The following NBEA variants were observed in gnomAD, a reference collection of about 807,000 sequenced individuals.
NBEA encodes the protein neurobeachin.
A neutral mutation model predicts 343.4 loss-of-function variants in NBEA; 44 were observed. That is an observed-to-expected ratio of 0.13 (90% confidence interval 0.10 to 0.16). NBEA has a LOEUF of 0.16. Among genes scored for constraint, NBEA ranks in the 10% least tolerant of loss-of-function variants. The pLI is 1.00. For missense variants in NBEA, 2,555 were observed against 3,631.3 expected (o/e 0.70, Z 7.62); for synonymous variants, 1,175 against 1,238.7 (o/e 0.95, Z 1.08).
intron 35 of NBEA, among the ~76,000 whole-genome samples, chr13:35,306,332 C>G (rs1187425591): frequency 1.3e-5 from 2 of 152,004 alleles, no homozygotes; most frequent in African/African-American, 4.8e-5. Flanking sequence ...CAATGTTTCT[C>G]ATTCACTCTT....
At chr13:35,249,058 G>A (rs148577259) in intron 34 of NBEA, among the ~76,000 whole-genome samples, 6,761 of 151,298 alleles carry the variant, frequency 0.045, 177 homozygotes, top group South Asian at 0.079. Flanking sequence ...CTGAGGTAGG[G>A]GAATTGCTTG....
intron 11 of NBEA, among the ~76,000 whole-genome samples, chr13:35,103,939 A>G (rs1171107452): frequency 2.0e-5 from 3 of 151,822 alleles, no homozygotes; most frequent in Non-Finnish European, 1.5e-5. Flanking sequence ...CCTACAATCC[A>G]TTTTTCACTT....
chr13:35,588,418 C>G (rs549193506), intron 46 of NBEA, among the ~76,000 whole-genome samples: 95 of 150,894 alleles, frequency 6.3e-4, no homozygotes, highest in African/African-American at 2.1e-3. Flanking sequence ...ATAAAATACA[C>G]ATTAAAATAA....
chr13:35,352,618 G>A (rs1409635333), intron 38 of NBEA, among the ~76,000 whole-genome samples: 1 of 151,894 alleles, frequency 6.6e-6, no homozygotes, highest in Non-Finnish European at 1.5e-5. Context: ...TATGTAACAT[G>A]GATGTTTAGG....
chr13:35,425,983 TG>T (rs946372940), intron 38 of NBEA, among the ~76,000 whole-genome samples: 1 of 152,244 alleles, frequency 6.6e-6, no homozygotes, highest in Non-Finnish European at 1.5e-5. Context: ...TGGCTTTTTC[TG>T]TTTTCCATTT....
intron 6 of NBEA, among the ~76,000 whole-genome samples, chr13:35,055,045 A>T (rs546764048): frequency 1.3e-5 from 2 of 152,144 alleles, no homozygotes; most frequent in East Asian, 3.9e-4. Flanking sequence ...GATTATTGTA[A>T]CTTTTTATTT....
Position 35,463,629 on chromosome 13 carries a change from C to A in NBEA, c.6449-8771C>A, listed in dbSNP as rs567129639. Among the ~76,000 whole-genome samples the A allele has an allele frequency of 1.4e-4, 21 of 151,928 alleles. No individual in the cohort carries two copies. In the East Asian group the frequency reaches 2.9e-3, roughly 21 times the overall value. ...AGTGAGACTCCGTCGCAAAAAAAAACAAACCAGAAAAAGTTGCAGACTTTT... is the reference window on the plus strand; with the variant it reads ...AGTGAGACTCCGTCGCAAAAAAAAAAAAACCAGAAAAAGTTGCAGACTTTT... On this transcript the variant is annotated intron_variant, in intron 40 of 58. Coordinates refer to ENST00000379939, the MANE Select transcript of NBEA (RefSeq NM_001385012.1).
intron 49 of NBEA, among the ~76,000 whole-genome samples, chr13:35,628,621 G>A (rs533295582): frequency 2.6e-5 from 4 of 152,246 alleles, no homozygotes; most frequent in Non-Finnish European, 2.9e-5. Flanking sequence ...AAAAATAACA[G>A]CACAAGTGCT....
At position 35,120,799 on chromosome 13, in the gene NBEA, T is replaced by G. The variant is rs1277816279; in HGVS notation, c.2243+2325T>G. 6.2e-5 allele frequency among the ~76,000 whole-genome samples: 8 copies of G among 129,440 alleles called. 2 individuals are homozygous for G. Among genetic ancestry groups the G allele is most frequent in the African/African-American group, 3.2e-4 (8 of 24,794 alleles). The allele number at this position is 129,440 out of a possible 152,430, so 84.9% of individuals were successfully genotyped here. Reference sequence around the variant, plus strand: ...TATATAGCTTAGACCATTTGCTTACTGAATATAGTGAGCTTAAGCAGATGT... The same window carrying G: ...TATATAGCTTAGACCATTTGCTTACGGAATATAGTGAGCTTAAGCAGATGT... On this transcript the variant is annotated intron_variant, in intron 16 of 58. Coordinates refer to ENST00000379939, the MANE Select transcript of NBEA (RefSeq NM_001385012.1).
At chr13:35,588,607 T>C (rs908462275) in intron 46 of NBEA, among the ~76,000 whole-genome samples, 1 of 152,174 alleles carries the variant, frequency 6.6e-6, no homozygotes, top group African/African-American at 2.4e-5. Context: ...TTGTCTACAA[T>C]ATGAGACCCT....
intron 49 of NBEA, among the ~76,000 whole-genome samples, chr13:35,639,559 A>G (rs1263956264): frequency 6.6e-6 from 1 of 152,098 alleles, no homozygotes; most frequent in Non-Finnish European, 1.5e-5. Context: ...TCAAGCTTGT[A>G]TTTTTTGGTT....
chr13:35,049,507 C>T (rs2062989161), intron 5 of NBEA, among the ~76,000 whole-genome samples: 1 of 151,724 alleles, frequency 6.6e-6, no homozygotes, highest in Admixed American at 6.6e-5. Context: ...GAAATGTGAA[C>T]ACAGAAATAT....
chr13:35,610,790 CA>C (rs1312604677), intron 48 of NBEA, among the ~76,000 whole-genome samples: 1 of 151,862 alleles, frequency 6.6e-6, no homozygotes, highest in Non-Finnish European at 1.5e-5. Flanking sequence ...TATTTCAAAA[CA>C]CATCTAATAA....
At position 35,477,843 on chromosome 13, in the gene NBEA, ATCATT is replaced by A. The variant is rs1177755795; in HGVS notation, c.6585+5315_6585+5319del. Reference sequence around the variant, plus strand: ...CATTTTGAAAACAAAAATGAAATAAATCATTTCATTTCTGAATTTTGGAACCTGGA... The same window carrying A: ...CATTTTGAAAACAAAAATGAAATAAATCATTTCTGAATTTTGGAACCTGGA... On this transcript the variant is annotated intron_variant, in intron 41 of 58. Coordinates refer to ENST00000379939, the MANE Select transcript of NBEA (RefSeq NM_001385012.1). Among the ~76,000 whole-genome samples, 6 of 152,368 alleles carry A rather than the reference ATCATT, an allele frequency of 3.9e-5. No individual in the cohort carries two copies. The East Asian group carries it at 1.2e-3, about 29-fold the overall frequency.
chr13:35,023,488 C>A (rs1037554971), intron 1 of NBEA, among the ~76,000 whole-genome samples: 5 of 151,852 alleles, frequency 3.3e-5, no homozygotes, highest in Non-Finnish European at 7.4e-5. Flanking sequence ...ATAGTAGATC[C>A]TATAAAAGTA....
intron 10 of NBEA, among the ~76,000 whole-genome samples, chr13:35,078,608 G>A (rs766597896): frequency 2.0e-5 from 3 of 152,098 alleles, no homozygotes; most frequent in Non-Finnish European, 2.9e-5. Flanking sequence ...AAGTGGGGGT[G>A]GAAAGTAAGT....
chr13:34,943,890 T>C (rs1054658664), intron 1 of NBEA, among the ~76,000 whole-genome samples: 1 of 152,194 alleles, frequency 6.6e-6, no homozygotes, highest in Non-Finnish European at 1.5e-5. Flanking sequence ...TTGGTTCCTT[T>C]CATGGTAAGA....
chr13:35,319,179 A>G (rs545352858), intron 36 of NBEA, among the ~76,000 whole-genome samples: 2 of 152,084 alleles, frequency 1.3e-5, no homozygotes, highest in South Asian at 2.1e-4. Context: ...AGTTCTTTCA[A>G]TTGTGATGTT....
intron 17 of NBEA, among the ~76,000 whole-genome samples, chr13:35,141,190 A>G (rs921476144): frequency 2.0e-5 from 3 of 152,238 alleles, no homozygotes; most frequent in Non-Finnish European, 4.4e-5. Flanking sequence ...TTGCCAATCC[A>G]GAGAACAATA....
Sources: allele counts gnomAD v4.1 joint callset (sites outside exome capture counted in the v4.1 genomes callset), GRCh38; gene constraint gnomAD v4.1.1; transcripts MANE v1.5; gene names NCBI Gene and HGNC (gene_info 2026-07-23, HGNC 2026-07-21).